CRYBG1: variants seen among roughly 807,000 people sequenced by gnomAD.
CRYBG1 encodes beta/gamma crystallin domain-containing protein 1.
In CRYBG1, 139 loss-of-function variants were observed where a neutral mutation model predicts 189.2. That is an observed-to-expected ratio of 0.73 (90% CI 0.64 to 0.85). The LOEUF (loss-of-function observed/expected upper bound fraction) is 0.85. CRYBG1 is among the 40% of genes least tolerant of loss of function. The probability of loss-of-function intolerance (pLI) is 0.00; values close to 1 mark genes in which losing one functional copy is unlikely to be tolerated. For missense variants in CRYBG1, 2,611 were observed against 2,675.8 expected, an observed-to-expected ratio of 0.98 and a Z score of 0.53; for synonymous variants, 1,023 against 1,017.1, an observed-to-expected ratio of 1.01 and a Z score of -0.11.
chr6:106,392,405 A>T (rs758315965), intron 1 of CRYBG1, among the ~76,000 whole-genome samples: 4 of 152,208 alleles, frequency 2.6e-5, no homozygotes, highest in African/African-American at 4.8e-5. Context: ...TTATGTCAGG[A>T]CAGAAAAATA....
chr6:106,383,079 A>G (rs1770317195), intron 1 of CRYBG1, among the ~76,000 whole-genome samples: 1 of 152,230 alleles, frequency 6.6e-6, no homozygotes, highest in Non-Finnish European at 1.5e-5. Flanking sequence ...AGCTTTTTCC[A>G]GAATGGAGGT....
intron 1 of CRYBG1, among the ~76,000 whole-genome samples, chr6:106,419,038 G>A (rs939130292): frequency 1.3e-5 from 2 of 152,150 alleles, no homozygotes; most frequent in Non-Finnish European, 2.9e-5. Flanking sequence ...GTTTTTTCCT[G>A]GCCAGTGCCA....
intron 1 of CRYBG1, among the ~76,000 whole-genome samples, chr6:106,370,287 G>A (rs1043745668): frequency 3.3e-5 from 5 of 152,202 alleles, no homozygotes; most frequent in Non-Finnish European, 7.3e-5. Flanking sequence ...ACCAAGAGGT[G>A]GACCTACTTC....
At chr6:106,517,426 A>G (rs1773461388) in intron 3 of CRYBG1, among the ~76,000 whole-genome samples, 1 of 122,416 alleles carries the variant, frequency 8.2e-6, no homozygotes, top group Admixed American at 8.3e-5. Context: ...ATACACATAT[A>G]TATACACACA....
At chr6:106,484,686 G>A (rs967875708) in intron 2 of CRYBG1, among the ~76,000 whole-genome samples, 13 of 152,042 alleles carry the variant, frequency 8.6e-5, no homozygotes, top group African/African-American at 3.1e-4. Flanking sequence ...CATATGAATT[G>A]TAGAATTTTT....
chr6:106,403,295 C>T (rs907793861), intron 1 of CRYBG1, among the ~76,000 whole-genome samples: 1 of 152,188 alleles, frequency 6.6e-6, no homozygotes, highest in South Asian at 2.1e-4. Flanking sequence ...TTCCACTGCA[C>T]TCCAGTCTGG....
At chr6:106,541,340 A>T in intron 9 of CRYBG1, 1 of 649,766 alleles carries the variant, frequency 1.5e-6, no homozygotes, top group South Asian at 1.5e-5. Context: ...AAAACTTGCT[A>T]GGTCAAAAAA....
At chr6:106,470,956 A>G (rs1428426517) in intron 2 of CRYBG1, among the ~76,000 whole-genome samples, 1 of 152,196 alleles carries the variant, frequency 6.6e-6, no homozygotes, top group Non-Finnish European at 1.5e-5. Flanking sequence ...CTTAGCCTGA[A>G]CTTGGGTTTT....
At chr6:106,521,571 A>G in intron 4 of CRYBG1, 118 bp downstream of exon 4, 1 of 1,184,318 alleles carries the variant, frequency 8.4e-7, no homozygotes, top group Non-Finnish European at 1.2e-6. Flanking sequence ...TATAGTTTTT[A>G]TTCATTCATC....
rs1332351249 is a variant in CRYBG1, at chr6:106,408,787, A to G, written c.174-42907A>G. 3.9e-5 allele frequency among the ~76,000 whole-genome samples: 6 copies of G among 152,342 alleles called. No homozygotes were observed. The East Asian group carries it at 1.2e-3, about 29-fold the overall frequency. ...TGACAAAAACCACATGATTATCTCA[A>G]TAGATGCAGAAAAGGCCTTAGATAA... On this transcript the variant is annotated intron_variant, in intron 1 of 21. Coordinates refer to ENST00000633556, the MANE Select transcript of CRYBG1 (RefSeq NM_001371242.2).
chr6:106,521,711 C>CTTTTTTTTTTTTTTTTTTTTT (rs397976859), intron 4 of CRYBG1, among the ~76,000 whole-genome samples: 1 of 72,170 alleles, frequency 1.4e-5, no homozygotes, highest in Non-Finnish European at 2.4e-5. Flanking sequence ...GGCACATGAT[C>CTTTTTTTTTTTTTTTTTTTTT]TTTTTTTTTT....
At position 106,519,704 on chromosome 6, in the gene CRYBG1, C is replaced by T. The variant is rs763296255; in HGVS notation, c.2496C>T (p.Thr832=). 16 of 1,614,138 alleles carry T rather than the reference C, an allele frequency of 9.9e-6. No individual in the cohort carries two copies. Among genetic ancestry groups the T allele is most frequent in the South Asian group, 7.7e-5 (7 of 91,076 alleles). Residue 832 remains threonine (T), a synonymous_variant, in exon 4 of 22, where the codon ACC becomes ACT. Coordinates refer to ENST00000633556, the MANE Select transcript of CRYBG1 (RefSeq NM_001371242.2). ...AAAGCCTTGTACTTGAAAATGTAAC[C>T]GATACAGCACAAGACATCCCCACCA... ...DSKSLVLENV[T]DTAQDIPTTV... is the part of the protein sequence containing the mutation.
At position 106,512,493 on chromosome 6, in the gene CRYBG1, A is replaced by T; in HGVS notation, c.1376A>T (p.Asp459Val). The change falls in exon 3 of 22, where the codon GAT becomes GTT. Residue 459 changes from aspartate (D) to valine (V), a missense_variant. Physicochemically the swap from Asp to Val is radical, Grantham distance 152. Around this residue, in one of 3 missense-constraint regions of CRYBG1, gnomAD observed 985 missense variants for 924.4 expected, o/e 1.07. Coordinates refer to ENST00000633556, the MANE Select transcript of CRYBG1 (RefSeq NM_001371242.2). ...GAGGTGGCGCCAAACGCGGCCAGCGATAACGCCTCGGCGGAAAAGAAAGTG... is the reference window on the plus strand; with the variant it reads ...GAGGTGGCGCCAAACGCGGCCAGCGTTAACGCCTCGGCGGAAAAGAAAGTG... ...DDEVAPNAAS[D>V]NASAEKKVKS... The T allele has an allele frequency of 6.2e-7, 1 of 1,611,480 alleles. No individual in the cohort carries two copies. The highest frequency in any genetic ancestry group is 1.7e-5 in the Admixed American group (1 of 59,872).
At chr6:106,445,518 T>G (rs1041043811) in intron 1 of CRYBG1, among the ~76,000 whole-genome samples, 1 of 152,230 alleles carries the variant, frequency 6.6e-6, no homozygotes, top group African/African-American at 2.4e-5. Context: ...ACCATCTATA[T>G]AATTCCTTAT....
At chr6:106,497,223 G>A (rs993517675) in intron 2 of CRYBG1, among the ~76,000 whole-genome samples, 1 of 151,680 alleles carries the variant, frequency 6.6e-6, no homozygotes, top group Admixed American at 6.6e-5. Context: ...AATTCCATAC[G>A]AGGGGAAATC....
chr6:106,375,791 C>T (rs1021346978), intron 1 of CRYBG1, among the ~76,000 whole-genome samples: 2 of 152,204 alleles, frequency 1.3e-5, no homozygotes, highest in South Asian at 4.1e-4. Context: ...TTCCCCTTCA[C>T]CCCTGTGGGT....
intron 1 of CRYBG1, among the ~76,000 whole-genome samples, chr6:106,378,917 A>G (rs1000748780): frequency 1.3e-5 from 2 of 152,138 alleles, no homozygotes; most frequent in African/African-American, 4.8e-5. Flanking sequence ...TGGGAGGCCA[A>G]GGTGGGTGGA....
intron 1 of CRYBG1, among the ~76,000 whole-genome samples, chr6:106,375,605 C>T (rs1390752346): frequency 6.6e-6 from 1 of 152,108 alleles, no homozygotes; most frequent in African/African-American, 2.4e-5. Context: ...TAAAGAGGCT[C>T]AGTTGGTTAG....
intron 1 of CRYBG1, among the ~76,000 whole-genome samples, chr6:106,440,269 T>TCTCTCTCTC (rs894820555): frequency 9.3e-5 from 5 of 53,696 alleles, no homozygotes; most frequent in Non-Finnish European, 2.2e-4. Flanking sequence ...TCTCTCTCTC[T>TCTCTCTCTC]TTTTTTTTCT....
Sources: gnomAD v4.1 joint callset for allele counts (sites outside exome capture counted in the v4.1 genomes callset) on GRCh38, gnomAD v4.1.1 for gene constraint, gnomAD v4.1.1 regional missense constraint, MANE v1.5 for transcripts, NCBI Gene and HGNC (gene_info 2026-07-23, HGNC 2026-07-21) for gene names.